The following RDX variants were observed in gnomAD, a reference collection of about 807,000 sequenced individuals.
RDX encodes radixin.
In RDX, 32 loss-of-function variants were observed where a neutral mutation model predicts 83.7. The observed-to-expected ratio is 0.38, with a 90% CI of 0.29 to 0.51. The LOEUF (loss-of-function observed/expected upper bound fraction) is 0.51. Ranked by LOEUF, RDX falls within the 20% of genes least tolerant of loss-of-function variation. RDX has a pLI of 0.87. For synonymous variants in RDX, 229 were observed against 222.7 expected (o/e 1.03, Z -0.25); for missense variants, 600 against 689.9 (o/e 0.87, Z 1.46).
chr11:110,227,419 A>G (rs962254898), downstream of RDX, among the ~76,000 whole-genome samples: 4 of 152,156 alleles, frequency 2.6e-5, no homozygotes, highest in African/African-American at 9.7e-5. Flanking sequence ...GCATGCATAA[A>G]TATAAAAATG....
intron 9 of RDX, among the ~76,000 whole-genome samples, chr11:110,249,475 G>C (rs1452712274): frequency 6.6e-6 from 1 of 152,162 alleles, no homozygotes; most frequent in Admixed American, 6.5e-5. Context: ...AACAGGTAGA[G>C]GTGTCACAAG....
intron 12 of RDX, 47 bp downstream of exon 12, chr11:110,236,052 G>A (rs747285959): frequency 2.3e-6 from 3 of 1,298,648 alleles, no homozygotes; most frequent in Non-Finnish European, 3.4e-6. Flanking sequence ...CATAATCCTG[G>A]GTATAAAAGC....
chr11:110,282,828 T>A (rs1478856554), intron 1 of RDX, among the ~76,000 whole-genome samples: 1 of 151,820 alleles, frequency 6.6e-6, no homozygotes, highest in Non-Finnish European at 1.5e-5. Context: ...AAAATAAAAA[T>A]AAACCAGGCA....
At chr11:110,189,439 C>T (rs1308876303) in intron 15 of RDX, among the ~76,000 whole-genome samples, 3 of 152,112 alleles carry the variant, frequency 2.0e-5, no homozygotes, top group Admixed American at 6.5e-5. Context: ...ACTCAACCAA[C>T]GGCATTAGAT....
intron 3 of RDX, among the ~76,000 whole-genome samples, chr11:110,271,267 A>G (rs1039973697): frequency 6.6e-6 from 1 of 152,248 alleles, no homozygotes; most frequent in African/African-American, 2.4e-5. Context: ...TGACAGAATG[A>G]CAACTAACAA....
intron 14 of RDX, among the ~76,000 whole-genome samples, chr11:110,201,857 C>T (rs1051445614): frequency 6.6e-6 from 1 of 151,146 alleles, no homozygotes; most frequent in Non-Finnish European, 1.5e-5. Context: ...TCTCAGCTTC[C>T]CAGGTAGCTG....
chr11:110,268,664 T>G (rs554929517), intron 3 of RDX, among the ~76,000 whole-genome samples: 9 of 152,258 alleles, frequency 5.9e-5, no homozygotes, highest in African/African-American at 2.2e-4. Flanking sequence ...TAACTAACTT[T>G]AGACTATTAC....
chr11:110,264,591 C>CTTTTTTTTTT (rs1322878145), intron 4 of RDX, among the ~76,000 whole-genome samples, 188 bp downstream of exon 4: 1 of 137,176 alleles, frequency 7.3e-6, no homozygotes, highest in African/African-American at 2.7e-5. Context: ...GTAAGCATTT[C>CTTTTTTTTTT]TTTTTTTTTT....
chr11:110,242,237 G>A (rs1865127137), intron 10 of RDX, among the ~76,000 whole-genome samples: 1 of 152,104 alleles, frequency 6.6e-6, no homozygotes, highest in African/African-American at 2.4e-5. Context: ...CGGATCACAT[G>A]AGGTCAGGAG....
chr11:110,175,137 C>T (rs766454192), exon 16 of RDX: 12 of 152,326 alleles, frequency 7.9e-5, no homozygotes, highest in Middle Eastern at 6.8e-3. Context: ...AAACCCAGGG[C>T]CCGCTGCGTC....
chr11:110,287,034 G>C (rs1861010778), intron 1 of RDX: 1 of 152,108 alleles, frequency 6.6e-6, no homozygotes, highest in South Asian at 2.1e-4. Flanking sequence ...AATACTTTAA[G>C]TAACAGTTAA....
intron 1 of RDX, among the ~76,000 whole-genome samples, chr11:110,280,609 C>A (rs1860721633): frequency 6.6e-6 from 1 of 152,198 alleles, no homozygotes; most frequent in African/African-American, 2.4e-5. Flanking sequence ...AGCTTATTCA[C>A]CCAATGTGTA....
At chr11:110,184,749 A>G (rs775124281) in intron 15 of RDX, among the ~76,000 whole-genome samples, 4 of 152,214 alleles carry the variant, frequency 2.6e-5, no homozygotes, top group Non-Finnish European at 5.9e-5. Flanking sequence ...GGTCAACAAC[A>G]CGGATGATCA....
chr11:110,280,340 T>G (rs1860707398), intron 1 of RDX, among the ~76,000 whole-genome samples: 1 of 152,118 alleles, frequency 6.6e-6, no homozygotes, highest in South Asian at 2.1e-4. Context: ...ACCTCCCAGG[T>G]TCAAGTGATC....
intron 11 of RDX, chr11:110,236,503 G>A: frequency 3.5e-6 from 1 of 288,736 alleles, no homozygotes. Flanking sequence ...ATTTGTTAAA[G>A]TCCACAAAAG....
intron 3 of RDX, among the ~76,000 whole-genome samples, chr11:110,271,122 T>C (rs1860291635): frequency 6.6e-6 from 1 of 152,194 alleles, no homozygotes; most frequent in African/African-American, 2.4e-5. Context: ...AAGCTTTTCA[T>C]GATCCAAAAA....
chr11:110,263,859 C>A, intron 5 of RDX, 101 bp downstream of exon 5: 1 of 1,055,488 alleles, frequency 9.5e-7, no homozygotes, highest in South Asian at 1.5e-5. Flanking sequence ...CAGGTCCAGA[C>A]CCTGTCTCCA....
chr11:110,209,108 T>C (rs1309316745), intron 14 of RDX, among the ~76,000 whole-genome samples: 1 of 151,438 alleles, frequency 6.6e-6, no homozygotes, highest in Non-Finnish European at 1.5e-5. Context: ...TGCCAGAGAG[T>C]GGGCACAGGT....
intron 1 of RDX, among the ~76,000 whole-genome samples, chr11:110,293,839 TAATAA>T (rs1477556593): frequency 6.6e-6 from 1 of 152,228 alleles, no homozygotes; most frequent in Non-Finnish European, 1.5e-5. Flanking sequence ...TTCACAACCT[TAATAA>T]AACAGATTTT....
Sources: gnomAD v4.1 joint callset for allele counts (sites outside exome capture counted in the v4.1 genomes callset) on GRCh38, gnomAD v4.1.1 for gene constraint, MANE v1.5 for transcripts, NCBI Gene and HGNC (gene_info 2026-07-23, HGNC 2026-07-21) for gene names.